Variants in OPA3 observed in about 807,000 individuals in gnomAD.
OPA3 encodes the protein outer mitochondrial membrane lipid metabolism regulator OPA3, also known as optic atrophy 3 protein.
OPA3 carries 6 observed loss-of-function variants against 4.0 expected under a neutral mutation model. The observed-to-expected ratio is 1.51, with a 90% CI of 0.83 to 2.99. OPA3 has a LOEUF of 2.99. Ranked by LOEUF, OPA3 falls within the 30% of genes most tolerant of loss-of-function variation. The probability of loss-of-function intolerance (pLI) is 0.00; values close to 1 mark genes in which losing one functional copy is unlikely to be tolerated. For missense variants in OPA3, 235 were observed against 256.2 expected, an observed-to-expected ratio of 0.92 and a Z score of 0.56; for synonymous variants, 105 against 117.1, an observed-to-expected ratio of 0.90 and a Z score of 0.67.
chr19:45,566,739 G>T (rs764896778), intron 1 of OPA3, among the ~76,000 whole-genome samples: 1 of 151,996 alleles, frequency 6.6e-6, no homozygotes, highest in African/African-American at 2.4e-5. Flanking sequence ...CTCCCAAAGT[G>T]CTGGGATTAC....
At chr19:45,574,551 A>G (rs1969739727) in intron 1 of OPA3, among the ~76,000 whole-genome samples, 1 of 152,192 alleles carries the variant, frequency 6.6e-6, no homozygotes, top group Non-Finnish European at 1.5e-5. Flanking sequence ...TTCTATTAGT[A>G]TCCCATTTGA....
intron 1 of OPA3, among the ~76,000 whole-genome samples, chr19:45,574,152 G>C (rs1969730985): frequency 1.3e-5 from 2 of 151,906 alleles, no homozygotes; most frequent in Admixed American, 1.3e-4. Flanking sequence ...CCAGCACTTT[G>C]GGAGGCTGAG....
At chr19:45,545,715 T>TC (rs981682981), downstream of OPA3, among the ~76,000 whole-genome samples, 3 of 146,198 alleles carry the variant, frequency 2.1e-5, no homozygotes, top group African/African-American at 7.6e-5. Context: ...CTTTTCTTTT[T>TC]TTTTTTTTTT....
intron 1 of OPA3, among the ~76,000 whole-genome samples, chr19:45,583,202 G>C (rs935474474): frequency 6.6e-6 from 1 of 151,896 alleles, no homozygotes; most frequent in South Asian, 2.1e-4. Context: ...CCAGGCTGGA[G>C]TACAGTGTTA....
chr19:45,538,029 G>A (rs529998493), intron 1 of OPA3, among the ~76,000 whole-genome samples: 1 of 141,752 alleles, frequency 7.1e-6, no homozygotes, highest in East Asian at 2.2e-4. Flanking sequence ...AGGAGGTGCA[G>A]GTTGCAGGTT....
intron 1 of OPA3, among the ~76,000 whole-genome samples, chr19:45,582,090 CCCCAGCCAGGAGT>C (rs1459187204): frequency 6.6e-6 from 1 of 152,014 alleles, no homozygotes; most frequent in Admixed American, 6.6e-5. Context: ...AGCCACCGCG[CCCCAGCCAGGAGT>C]CTTACCATTA....
chr19:45,580,316 A>G (rs1230110282), intron 1 of OPA3, among the ~76,000 whole-genome samples: 3 of 106,818 alleles, frequency 2.8e-5, no homozygotes, highest in East Asian at 5.6e-4. Flanking sequence ...TTTTTGAGAC[A>G]GAGTTTCACT....
At position 45,551,885 on chromosome 19, in the gene OPA3, C is replaced by T. The variant is rs754896580; in HGVS notation, c.*1629G>A. 3.0e-6 allele frequency: 3 copies of T among 985,538 alleles called. No homozygotes were observed. Among genetic ancestry groups the T allele is most frequent in the Non-Finnish European group, 3.6e-6 (3 of 830,150 alleles). 61.0% of individuals were successfully genotyped at this position (985,538 alleles called of 1,614,324 possible). A position where few individuals can be genotyped will look rare whatever the true frequency, so the allele number is the denominator to read the frequency against. ...AGGATGTGACAATTGAATCCATGGGCTTGGATTCGACTGGGTCCCTGAGAA... is the reference window on the plus strand; with the variant it reads ...AGGATGTGACAATTGAATCCATGGGTTTGGATTCGACTGGGTCCCTGAGAA... On this transcript the variant is annotated 3_prime_UTR_variant, in exon 2 of 2. Transcript: ENST00000263275.
At chr19:45,570,973 C>A in intron 1 of OPA3, among the ~76,000 whole-genome samples, 1 of 45,806 alleles carries the variant, frequency 2.2e-5, no homozygotes, top group Non-Finnish European at 3.8e-5. Context: ...GACAGCAAAA[C>A]TATTTGGGGG....
intron 1 of OPA3, among the ~76,000 whole-genome samples, chr19:45,540,051 GC>G (rs1423203130): frequency 1.1e-4 from 16 of 152,096 alleles, no homozygotes; most frequent in African/African-American, 3.9e-4. Flanking sequence ...AGGCGCAGTG[GC>G]TCATGCCTGT....
At position 45,553,267 on chromosome 19, in the gene OPA3, C is replaced by A; in HGVS notation, c.*247G>T. On this transcript the variant is annotated 3_prime_UTR_variant, in exon 2 of 2. Coordinates refer to ENST00000263275, the MANE Select transcript of OPA3 (RefSeq NM_025136.4). Reference sequence around the variant, plus strand: ...CGGTGTCCTGCTGGCTGGGACCTTGCAGGTCGTCCTGGTTTGGAGTGGGGG... The same window carrying A: ...CGGTGTCCTGCTGGCTGGGACCTTGAAGGTCGTCCTGGTTTGGAGTGGGGG... The A allele has an allele frequency of 7.0e-7, 1 of 1,422,290 alleles. No individual in the cohort carries two copies. The allele number at this position is 1,422,290 out of a possible 1,614,324, so 88.1% of individuals were successfully genotyped here.
At position 45,553,450 on chromosome 19, in the gene OPA3, G is replaced by A. The variant is rs559943742; in HGVS notation, c.*64C>T. The A allele has an allele frequency of 2.9e-5, 46 of 1,605,424 alleles. No homozygotes were observed. Among genetic ancestry groups the A allele is most frequent in the Non-Finnish European group, 3.6e-5 (42 of 1,179,782 alleles). ...CTGGGCCAGCGCAGGCAAGGGTGGTGCGGGAAGAAGGCCACGTTAGGTACA... is the reference window on the plus strand; with the variant it reads ...CTGGGCCAGCGCAGGCAAGGGTGGTACGGGAAGAAGGCCACGTTAGGTACA... On this transcript the variant is annotated 3_prime_UTR_variant, in exon 2 of 2. Coordinates refer to ENST00000263275, the MANE Select transcript of OPA3 (RefSeq NM_025136.4).
chr19:45,563,701 G>A (rs11882465), intron 1 of OPA3, among the ~76,000 whole-genome samples: 4,913 of 151,786 alleles, frequency 0.032, 191 homozygotes, highest in African/African-American at 0.092. Context: ...GACTACAGGC[G>A]CACGCCACCA....
intron 1 of OPA3, among the ~76,000 whole-genome samples, chr19:45,535,880 T>C (rs1490603888): frequency 8.0e-5 from 12 of 150,348 alleles, no homozygotes; most frequent in African/African-American, 2.4e-4. Context: ...TTCTCTCACC[T>C]CAGCCTCCTG....
chr19:45,531,253 A>G (rs16979873), intron 1 of OPA3, among the ~76,000 whole-genome samples: 32,044 of 152,060 alleles, frequency 0.21, 3,655 homozygotes, highest in East Asian at 0.35. Context: ...AACCAGTGGC[A>G]TGTGAAGCAT....
rs1424392364 is a variant in OPA3, at chr19:45,584,793, C to T, written c.-29G>A. The T allele has an allele frequency of 5.6e-6, 9 of 1,612,238 alleles. No homozygotes were observed. Among genetic ancestry groups the T allele is most frequent in the Admixed American group, 3.3e-5 (2 of 60,006 alleles). ...GGCGGTCTCACAGGGCACGCGCAAC[C>T]TTGCTGACTGGGCGGGGCGCCTCAA... On this transcript the variant is annotated 5_prime_UTR_variant, in exon 1 of 2. Coordinates refer to ENST00000263275, the MANE Select transcript of OPA3 (RefSeq NM_025136.4).
intron 1 of OPA3, among the ~76,000 whole-genome samples, chr19:45,574,407 A>G (rs1475712376): frequency 6.6e-6 from 1 of 151,334 alleles, no homozygotes; most frequent in Admixed American, 6.6e-5. Flanking sequence ...AAAAAAAAAA[A>G]AAAAAAAGAA....
chr19:45,553,320 C>G lies in OPA3; in HGVS notation c.*194G>C. 1 of 1,464,198 alleles carries G rather than the reference C, an allele frequency of 6.8e-7. No individual in the cohort carries two copies. The highest frequency in any genetic ancestry group is 9.0e-7 in the Non-Finnish European group (1 of 1,110,170). The allele number at this position is 1,464,198 out of a possible 1,614,324, so 90.7% of individuals were successfully genotyped here. On this transcript the variant is annotated 3_prime_UTR_variant, in exon 2 of 2. Coordinates refer to ENST00000263275, the MANE Select transcript of OPA3 (RefSeq NM_025136.4). ...AGGAGGTGAAGGATGATGGAGGGGG[C>G]TATGTTGCAACGCTTCACCTGCTGG...
At chr19:45,567,919 A>G (rs1035099048) in intron 1 of OPA3, among the ~76,000 whole-genome samples, 1 of 152,218 alleles carries the variant, frequency 6.6e-6, no homozygotes, top group African/African-American at 2.4e-5. Flanking sequence ...TATTCAGGGT[A>G]AACGTAGCTT....
Sources: gnomAD v4.1 joint callset for allele counts (sites outside exome capture counted in the v4.1 genomes callset) on GRCh38, gnomAD v4.1.1 for gene constraint, MANE v1.5 for transcripts, NCBI Gene and HGNC (gene_info 2026-07-23, HGNC 2026-07-21) for gene names.